The following SEMA5A variants were observed in gnomAD, a reference collection of about 807,000 sequenced individuals.
The protein encoded by SEMA5A is semaphorin 5A.
Under a neutral mutation model 135.5 loss-of-function variants are expected in SEMA5A, and 55 were observed. That is an observed-to-expected ratio of 0.41 (90% CI 0.33 to 0.51). The LOEUF is 0.51. Among genes scored for constraint, SEMA5A ranks in the 20% least tolerant of loss-of-function variants. The pLI is 0.37. For missense variants in SEMA5A, 1,290 were observed against 1,419.9 expected, an observed-to-expected ratio of 0.91 and a Z score of 1.47; for synonymous variants, 580 against 546.5, an observed-to-expected ratio of 1.06 and a Z score of -0.85.
At chr5:9,384,667 T>G (rs1445517498) in intron 2 of SEMA5A, among the ~76,000 whole-genome samples, 1 of 113,388 alleles carries the variant, frequency 8.8e-6, no homozygotes, top group Admixed American at 9.4e-5. Context: ...TAGATATAGA[T>G]AGATAGATAT....
At chr5:9,153,732 T>A (rs991928514) in intron 12 of SEMA5A, among the ~76,000 whole-genome samples, 1 of 152,028 alleles carries the variant, frequency 6.6e-6, no homozygotes, top group Non-Finnish European at 1.5e-5. Context: ...TATTTTTTGT[T>A]ATTTCTATAT....
intron 13 of SEMA5A, among the ~76,000 whole-genome samples, chr5:9,130,760 T>C (rs181744195): frequency 6.6e-6 from 1 of 152,206 alleles, no homozygotes; most frequent in Non-Finnish European, 1.5e-5. Context: ...TCACCTACTC[T>C]CTAAGCATCA....
intron 1 of SEMA5A, among the ~76,000 whole-genome samples, chr5:9,544,629 G>A (rs894573788): frequency 6.6e-5 from 10 of 152,014 alleles, no homozygotes; most frequent in Admixed American, 6.5e-4. Flanking sequence ...CTCGTCCTCC[G>A]AGCGCTCGCT....
intron 18 of SEMA5A, among the ~76,000 whole-genome samples, chr5:9,061,128 A>AT (rs1365542259): frequency 6.6e-6 from 1 of 151,872 alleles, no homozygotes; most frequent in East Asian, 2.0e-4. Context: ...CCTGGTTGTC[A>AT]TAAACTCAGT....
intron 16 of SEMA5A, among the ~76,000 whole-genome samples, chr5:9,099,040 A>G (rs1367332044): frequency 6.6e-6 from 1 of 152,204 alleles, no homozygotes; most frequent in Admixed American, 6.5e-5. Context: ...TTTTTGTGAA[A>G]TATTCCAGAT....
chr5:9,495,049 A>C (rs1249195850), intron 1 of SEMA5A, among the ~76,000 whole-genome samples: 1 of 152,222 alleles, frequency 6.6e-6, no homozygotes, highest in African/African-American at 2.4e-5. Context: ...TATGTGCACA[A>C]ACCAACTTCA....
At chr5:9,248,430 A>G (rs1448429358) in intron 5 of SEMA5A, among the ~76,000 whole-genome samples, 1 of 152,094 alleles carries the variant, frequency 6.6e-6, no homozygotes, top group South Asian at 2.1e-4. Context: ...AATTGCCTAC[A>G]CCAATTAGGG....
intron 2 of SEMA5A, among the ~76,000 whole-genome samples, chr5:9,395,984 A>T (rs192395738): frequency 9.9e-4 from 150 of 152,276 alleles, no homozygotes; most frequent in Non-Finnish European, 1.8e-3. Flanking sequence ...TTTCCCAAGC[A>T]CAAATCTCAC....
At chr5:9,526,147 T>C (rs1737110585) in intron 1 of SEMA5A, among the ~76,000 whole-genome samples, 1 of 152,248 alleles carries the variant, frequency 6.6e-6, no homozygotes, top group African/African-American at 2.4e-5. Flanking sequence ...TACATCGAGC[T>C]GCAAAGTCTT....
In SEMA5A at chr5:9,094,478, C is replaced by T. The variant is rs182148841; in HGVS notation, c.2073+13662G>A. On this transcript the variant is annotated intron_variant, in intron 16 of 22. Transcript: ENST00000382496. ...TTGCAAGAAGATAAGAGAAATAAAC[C>T]AATTAAATGAGCTTCATAATGAAAA... Among the ~76,000 whole-genome samples, 6 of 152,226 alleles carry T rather than the reference C, an allele frequency of 3.9e-5. No homozygotes were observed. In the East Asian group the frequency reaches 1.2e-3, roughly 29 times the overall value.
chr5:9,290,077 T>C (rs534839095), intron 5 of SEMA5A, among the ~76,000 whole-genome samples: 258 of 152,206 alleles, frequency 1.7e-3, no homozygotes, highest in Middle Eastern at 0.01. Flanking sequence ...CAATAGGTTT[T>C]TTGGAAACAG....
chr5:9,041,295 T>G lies in SEMA5A; in HGVS notation c.*1602A>C, dbSNP rs1220600787. 1 of 152,238 alleles carries G rather than the reference T, an allele frequency of 6.6e-6. No homozygotes were observed. Among genetic ancestry groups the G allele is most frequent in the Non-Finnish European group, 1.5e-5 (1 of 68,046 alleles). 9.4% of individuals were successfully genotyped at this position (152,238 alleles called of 1,614,324 possible). On this transcript the variant is annotated 3_prime_UTR_variant, in exon 23 of 23. Coordinates refer to ENST00000382496, the MANE Select transcript of SEMA5A (RefSeq NM_003966.3). ...TATGCTAATAAAATTCTATGTTCCT[T>G]AGTCCCCCTACTATATTTTCTTTCA...
chr5:9,196,119 C>T (rs1745372838), intron 10 of SEMA5A, among the ~76,000 whole-genome samples: 1 of 152,250 alleles, frequency 6.6e-6, no homozygotes, highest in Admixed American at 6.5e-5. Flanking sequence ...CTAAAAATGA[C>T]AGCTGTGATA....
At chr5:9,407,243 G>C (rs1015884520) in intron 2 of SEMA5A, among the ~76,000 whole-genome samples, 1 of 152,174 alleles carries the variant, frequency 6.6e-6, no homozygotes, top group Non-Finnish European at 1.5e-5. Context: ...GTAACAAGTA[G>C]ACTAAACATA....
At chr5:9,487,313 T>C (rs1361527809) in intron 1 of SEMA5A, among the ~76,000 whole-genome samples, 1 of 152,152 alleles carries the variant, frequency 6.6e-6, no homozygotes, top group African/African-American at 2.4e-5. Context: ...ACAATAACCC[T>C]AAAAAGCATT....
chr5:9,301,296 T>A (rs1751599854), intron 5 of SEMA5A, among the ~76,000 whole-genome samples: 1 of 152,234 alleles, frequency 6.6e-6, no homozygotes, highest in Non-Finnish European at 1.5e-5. Flanking sequence ...AGGCAGCGAA[T>A]TCATAAGCAT....
At chr5:9,227,347 G>A (rs145964011) in intron 6 of SEMA5A, among the ~76,000 whole-genome samples, 23 of 152,212 alleles carry the variant, frequency 1.5e-4, no homozygotes, top group African/African-American at 4.3e-4. Context: ...GGCCTTGGAC[G>A]GGTATTAGGA....
At chr5:9,387,211 G>C (rs1755933180) in intron 2 of SEMA5A, among the ~76,000 whole-genome samples, 1 of 152,134 alleles carries the variant, frequency 6.6e-6, no homozygotes, top group Non-Finnish European at 1.5e-5. Flanking sequence ...ATCACCCCCA[G>C]ACCAGGAGCA....
chr5:9,272,596 A>C (rs1425403821), intron 5 of SEMA5A, among the ~76,000 whole-genome samples: 1 of 152,106 alleles, frequency 6.6e-6, no homozygotes, highest in Non-Finnish European at 1.5e-5. Context: ...GCCGACAGAC[A>C]CCTCATACAG....
Sources: gnomAD v4.1 joint callset for allele counts (sites outside exome capture counted in the v4.1 genomes callset) on GRCh38, gnomAD v4.1.1 for gene constraint, MANE v1.5 for transcripts, NCBI Gene and HGNC (gene_info 2026-07-23, HGNC 2026-07-21) for gene names.